Variants in GUCY1A1 observed in about 807,000 individuals in gnomAD.
The protein encoded by GUCY1A1 is guanylate cyclase soluble subunit alpha-1.
A neutral mutation model predicts 64.5 loss-of-function variants in GUCY1A1; 48 were observed. That is an observed-to-expected ratio of 0.74 (90% CI 0.59 to 0.95). GUCY1A1 has a LOEUF of 0.95. Among genes scored for constraint, GUCY1A1 ranks in the 40% least tolerant of loss-of-function variants. The pLI, the probability that GUCY1A1 is intolerant of heterozygous loss-of-function variation, is 0.00. For missense variants in GUCY1A1, 804 were observed against 825.3 expected (o/e 0.97, Z 0.32); for synonymous variants, 308 against 303.4 (o/e 1.02, Z -0.16).
At chr4:155,673,748 T>C (rs1013642908) in intron 2 of GUCY1A1, among the ~76,000 whole-genome samples, 1 of 151,514 alleles carries the variant, frequency 6.6e-6, no homozygotes, top group Non-Finnish European at 1.5e-5. Flanking sequence ...AACACCACTT[T>C]TCCATTTCTA....
Position 155,666,873 on chromosome 4 carries a change from A to G in GUCY1A1, c.-279A>G, listed in dbSNP as rs980248883. 1.3e-5 allele frequency: 2 copies of G among 152,250 alleles called. No individual in the cohort carries two copies. The highest frequency in any genetic ancestry group is 6.5e-5 in the Admixed American group (1 of 15,270). 9.4% of individuals were successfully genotyped at this position (152,250 alleles called of 1,614,324 possible). On this transcript the variant is annotated 5_prime_UTR_variant, in exon 1 of 10. Coordinates refer to ENST00000506455, the MANE Select transcript of GUCY1A1 (RefSeq NM_001130682.3). Reference sequence around the variant, plus strand: ...ACACTTTTCCTGCGCTAGAGCAGCGAGCAGCCTGGAACAGACCCAGGCGGA... The same window carrying G: ...ACACTTTTCCTGCGCTAGAGCAGCGGGCAGCCTGGAACAGACCCAGGCGGA...
At chr4:155,681,986 G>C (rs1398605356) in intron 2 of GUCY1A1, among the ~76,000 whole-genome samples, 1 of 152,130 alleles carries the variant, frequency 6.6e-6, no homozygotes, top group African/African-American at 2.4e-5. Context: ...TCTGTTACCT[G>C]TTTCCATGAA....
At position 155,736,241 on chromosome 4, in the gene GUCY1A1, A is replaced by T. The variant is rs1736044156; in HGVS notation, c.*6010A>T. 6.6e-6 allele frequency: 1 copy of T among 151,998 alleles called. No individual in the cohort carries two copies. Among genetic ancestry groups the T allele is most frequent in the Admixed American group, 6.6e-5 (1 of 15,230 alleles). The allele number at this position is 151,998 out of a possible 1,614,324, so 9.4% of individuals were successfully genotyped here. ...TTTCTAAATGAGCATGAATATAAAT[A>T]GAAATTCTAGTATTTTCTTCACCTA... On this transcript the variant is annotated 3_prime_UTR_variant, in exon 10 of 10. Coordinates refer to ENST00000506455, the MANE Select transcript of GUCY1A1 (RefSeq NM_001130682.3).
At position 155,711,271 on chromosome 4, in the gene GUCY1A1, A is replaced by C. The variant is rs368612481; in HGVS notation, c.1086+20A>C. 2 of 1,223,636 alleles carry C rather than the reference A, an allele frequency of 1.6e-6. No individual in the cohort carries two copies. Among genetic ancestry groups the C allele is most frequent in the Non-Finnish European group, 2.4e-6 (2 of 837,262 alleles). 75.8% of individuals were successfully genotyped at this position (1,223,636 alleles called of 1,614,324 possible). A position where few individuals can be genotyped will look rare whatever the true frequency, so the allele number is the denominator to read the frequency against. Reference sequence around the variant, plus strand: ...TCAAGGGTAAGGAAAACATAATACTATCTTGAATATGAAAGCTATTTCATA... The same window carrying C: ...TCAAGGGTAAGGAAAACATAATACTCTCTTGAATATGAAAGCTATTTCATA... On this transcript the variant is annotated intron_variant, in intron 6 of 9. Coordinates refer to ENST00000506455, the MANE Select transcript of GUCY1A1 (RefSeq NM_001130682.3).
chr4:155,672,055 G>A (rs533339599), intron 2 of GUCY1A1, among the ~76,000 whole-genome samples: 8 of 145,282 alleles, frequency 5.5e-5, no homozygotes, highest in Non-Finnish European at 9.1e-5. Context: ...GTTTAATTAT[G>A]TATCTTTTTT....
At chr4:155,716,103 T>G (rs1733197965) in intron 7 of GUCY1A1, among the ~76,000 whole-genome samples, 1 of 152,040 alleles carries the variant, frequency 6.6e-6, no homozygotes, top group Non-Finnish European at 1.5e-5. Flanking sequence ...TTTGATGTGC[T>G]TAAAGGATAA....
In GUCY1A1 at chr4:155,731,992, T is replaced by A. The variant is rs926226481; in HGVS notation, c.*1761T>A. Reference sequence around the variant, plus strand: ...GTTACATCCTCACAAATATATGAAGTTAAGTCACTACTTACAAGGAAAAAA... The same window carrying A: ...GTTACATCCTCACAAATATATGAAGATAAGTCACTACTTACAAGGAAAAAA... On this transcript the variant is annotated 3_prime_UTR_variant, in exon 10 of 10. Coordinates refer to ENST00000506455, the MANE Select transcript of GUCY1A1 (RefSeq NM_001130682.3). The A allele has an allele frequency of 6.9e-6, 1 of 145,544 alleles. No homozygotes were observed. The highest frequency in any genetic ancestry group is 6.9e-5 in the Admixed American group (1 of 14,528). 9.0% of individuals were successfully genotyped at this position (145,544 alleles called of 1,614,324 possible).
At position 155,717,142 on chromosome 4, in the gene GUCY1A1, A is replaced by G; in HGVS notation, c.1573-17A>G. On this transcript the variant is annotated splice_polypyrimidine_tract_variant and intron_variant, in intron 7 of 9. Coordinates refer to ENST00000506455, the MANE Select transcript of GUCY1A1 (RefSeq NM_001130682.3). ...CCTGAGCATTTATTTATAGTATGGA[A>G]AATATATTATGTCTAGGTGGAGACC... 1 of 1,390,142 alleles carries G rather than the reference A, an allele frequency of 7.2e-7. No individual in the cohort carries two copies. The highest frequency in any genetic ancestry group is 2.6e-5 in the East Asian group (1 of 38,442). 86.1% of individuals were successfully genotyped at this position (1,390,142 alleles called of 1,614,324 possible). A position where few individuals can be genotyped will look rare whatever the true frequency, so the allele number is the denominator to read the frequency against.
At position 155,710,958 on chromosome 4, in the gene GUCY1A1, T is replaced by A. The variant is rs1280621940; in HGVS notation, c.793T>A (p.Ser265Thr). The change falls in exon 6 of 10, where the codon TCC (serine) becomes ACC (threonine). Residue 265 changes from serine to threonine, a missense_variant. Ser to Thr is a moderately conservative substitution (Grantham distance 58). Transcript: ENST00000506455. ...YSVHMKSTKP[S>T]LSPSKPQSSL... ...CGTTCACATGAAAAGCACCAAGCCATCCCTGTCCCCCAGCAAACCCCAGTC... is the reference window on the plus strand; with the variant it reads ...CGTTCACATGAAAAGCACCAAGCCAACCCTGTCCCCCAGCAAACCCCAGTC... 1.2e-6 allele frequency: 2 copies of A among 1,613,330 alleles called. No individual in the cohort carries two copies. The highest frequency in any genetic ancestry group is 1.6e-4 in the Middle Eastern group (1 of 6,082).
rs1732456617 is a variant in GUCY1A1 at position 155,710,749 on chromosome 4, A to G, written c.584A>G (p.Lys195Arg). 6.2e-7 allele frequency: 1 copy of G among 1,613,918 alleles called. No individual in the cohort carries two copies. Among genetic ancestry groups the G allele is most frequent in the South Asian group, 1.1e-5 (1 of 91,088 alleles). ...GACGCCTCCATTCTATGCCTGGATA[A>G]GGAGGATGATTTTCTACATGTTTAC... The part of the protein sequence containing the change: ...LEDASILCLD[K>R]EDDFLHVYYF... The change falls in exon 6 of 10, where the codon AAG becomes AGG. Residue 195 changes from lysine to arginine, a missense_variant. Transcript: ENST00000506455.
rs1735946831 is a variant in GUCY1A1 at position 155,735,266 on chromosome 4, A to G, written c.*5035A>G. 1 of 151,942 alleles carries G rather than the reference A, an allele frequency of 6.6e-6. No individual in the cohort carries two copies. The highest frequency in any genetic ancestry group is 2.4e-5 in the African/African-American group (1 of 41,404). The allele number at this position is 151,942 out of a possible 1,614,324, so 9.4% of individuals were successfully genotyped here. ...TATTTTCATATATAGTATCTGCCAAAATAGTAGCAAAAGTTTTATCAATGT... is the reference window on the plus strand; with the variant it reads ...TATTTTCATATATAGTATCTGCCAAGATAGTAGCAAAAGTTTTATCAATGT... On this transcript the variant is annotated 3_prime_UTR_variant, in exon 10 of 10. Coordinates refer to ENST00000506455, the MANE Select transcript of GUCY1A1 (RefSeq NM_001130682.3).
At position 155,731,868 on chromosome 4, in the gene GUCY1A1, G is replaced by A. The variant is rs1025258200; in HGVS notation, c.*1637G>A. On this transcript the variant is annotated 3_prime_UTR_variant, in exon 10 of 10. Transcript: ENST00000506455. ...CTACTATAGATATTACAATGATGCTGTTTACTAAGTGATAACCCCGTATCT... is the reference window on the plus strand; with the variant it reads ...CTACTATAGATATTACAATGATGCTATTTACTAAGTGATAACCCCGTATCT... 1.3e-5 allele frequency: 2 copies of A among 151,596 alleles called. No individual in the cohort carries two copies. Among genetic ancestry groups the A allele is most frequent in the Admixed American group, 6.6e-5 (1 of 15,144 alleles). The allele number at this position is 151,596 out of a possible 1,614,324, so 9.4% of individuals were successfully genotyped here. A position where few individuals can be genotyped will look rare whatever the true frequency, so the allele number is the denominator to read the frequency against.
intron 2 of GUCY1A1, among the ~76,000 whole-genome samples, chr4:155,686,288 C>A (rs918061948): frequency 6.6e-6 from 1 of 151,920 alleles, no homozygotes; most frequent in Non-Finnish European, 1.5e-5. Context: ...CCAGCCTGGG[C>A]AACACGGTGA....
At position 155,735,223 on chromosome 4, in the gene GUCY1A1, A is replaced by G. The variant is rs1735940919; in HGVS notation, c.*4992A>G. On this transcript the variant is annotated 3_prime_UTR_variant, in exon 10 of 10. Coordinates refer to ENST00000506455, the MANE Select transcript of GUCY1A1 (RefSeq NM_001130682.3). ...ATTTTTCATCCAAAGCTATCCCATTACCTTATTTATGTCCATTTATTTTCA... is the reference window on the plus strand; with the variant it reads ...ATTTTTCATCCAAAGCTATCCCATTGCCTTATTTATGTCCATTTATTTTCA... The G allele has an allele frequency of 6.6e-6, 1 of 151,874 alleles. No homozygotes were observed. The allele number at this position is 151,874 out of a possible 1,614,324, so 9.4% of individuals were successfully genotyped here. A position where few individuals can be genotyped will look rare whatever the true frequency, so the allele number is the denominator to read the frequency against.
At chr4:155,690,567 C>A (rs1448270721) in intron 2 of GUCY1A1, among the ~76,000 whole-genome samples, 1 of 152,144 alleles carries the variant, frequency 6.6e-6, no homozygotes, top group Non-Finnish European at 1.5e-5. Flanking sequence ...TTTTGTCTCT[C>A]ACCACCATTA....
chr4:155,694,578 A>G (rs1415014399), intron 2 of GUCY1A1, among the ~76,000 whole-genome samples: 1 of 152,198 alleles, frequency 6.6e-6, no homozygotes, highest in East Asian at 1.9e-4. Flanking sequence ...ACTACTGGCT[A>G]TGTTCACAGT....
intron 2 of GUCY1A1, among the ~76,000 whole-genome samples, chr4:155,689,988 C>T (rs1281800712): frequency 1.3e-5 from 2 of 152,060 alleles, no homozygotes; most frequent in African/African-American, 4.8e-5. Flanking sequence ...AGGTGAATGC[C>T]CTACTCAGTA....
At chr4:155,678,243 G>A (rs1044618424) in intron 2 of GUCY1A1, among the ~76,000 whole-genome samples, 5 of 152,102 alleles carry the variant, frequency 3.3e-5, no homozygotes, top group African/African-American at 1.2e-4. Flanking sequence ...GAGAGAATGA[G>A]AATGAAAAAG....
At position 155,736,145 on chromosome 4, in the gene GUCY1A1, T is replaced by TATC. The variant is rs1736029819; in HGVS notation, c.*5915_*5916insTCA. ...CCTGCAATCTGTTAATAAAATATTGTAGGACAACAACTCTATAGACTGATA... is the reference window on the plus strand; with the variant it reads ...CCTGCAATCTGTTAATAAAATATTGTATCAGGACAACAACTCTATAGACTGATA... On this transcript the variant is annotated 3_prime_UTR_variant, in exon 10 of 10. Transcript: ENST00000506455. The TATC allele has an allele frequency of 6.6e-6, 1 of 151,952 alleles. No homozygotes were observed. Among genetic ancestry groups the TATC allele is most frequent in the Non-Finnish European group, 1.5e-5 (1 of 67,926 alleles). 9.4% of individuals were successfully genotyped at this position (151,952 alleles called of 1,614,324 possible).
Sources: allele counts gnomAD v4.1 joint callset (sites outside exome capture counted in the v4.1 genomes callset), GRCh38; gene constraint gnomAD v4.1.1; transcripts MANE v1.5; gene names NCBI Gene and HGNC (gene_info 2026-07-23, HGNC 2026-07-21).